Variants in USP15 observed in about 807,000 individuals in gnomAD.
USP15 encodes ubiquitin carboxyl-terminal hydrolase 15.
Under a neutral mutation model 127.1 loss-of-function variants are expected in USP15, and 18 were observed. The observed-to-expected ratio is 0.14, with a 90% CI of 0.10 to 0.21. The LOEUF (loss-of-function observed/expected upper bound fraction) is 0.21, where lower values mean the gene tolerates loss of function less well. Among genes scored for constraint, USP15 ranks in the 10% least tolerant of loss-of-function variants. The pLI is 1.00. For missense variants in USP15, 805 were observed against 1,159.9 expected, an observed-to-expected ratio of 0.69 and a Z score of 4.44; for synonymous variants, 364 against 393.7, an observed-to-expected ratio of 0.92 and a Z score of 0.89.
intron 6 of USP15, among the ~76,000 whole-genome samples, chr12:62,339,576 TGA>T (rs1184691613): frequency 2.0e-5 from 3 of 152,170 alleles, no homozygotes; most frequent in Non-Finnish European, 4.4e-5. Context: ...AATAGTTTAT[TGA>T]GAGTTTTTAA....
intron 4 of USP15, 66 bp from the exon 5 acceptor site, chr12:62,321,398 T>G (rs1380929906): frequency 1.0e-6 from 1 of 1,000,442 alleles, no homozygotes; most frequent in Non-Finnish European, 1.4e-6. Flanking sequence ...GCTGGTAACA[T>G]TTAGCTGTAT....
rs1565908378 is a variant in USP15, at chr12:62,389,714, C to CA, written c.1652+16dup. The CA allele has an allele frequency of 6.2e-7, 1 of 1,602,364 alleles. No homozygotes were observed. The highest frequency in any genetic ancestry group is 8.5e-7 in the Non-Finnish European group (1 of 1,174,336). On this transcript the variant is annotated intron_variant, in intron 13 of 21. Transcript: ENST00000280377. ...GATATTTATGTGTAAGTATAAAACT[C>CA]ATTGTGCAAAATATTACTTGAAAAA... is the stretch of plus-strand genomic sequence containing the variant.
At chr12:62,386,507 C>G (rs2067153246) in intron 11 of USP15, among the ~76,000 whole-genome samples, 1 of 151,982 alleles carries the variant, frequency 6.6e-6, no homozygotes, top group Non-Finnish European at 1.5e-5. Flanking sequence ...CCTACCCAAA[C>G]TGGTTATGAG....
chr12:62,384,312 G>T lies in USP15; in HGVS notation c.1473+10G>T. 1.3e-6 allele frequency: 2 copies of T among 1,503,424 alleles called. No homozygotes were observed. The highest frequency in any genetic ancestry group is 1.3e-5 in the South Asian group (1 of 77,744). The allele number at this position is 1,503,424 out of a possible 1,614,324, so 93.1% of individuals were successfully genotyped here. On this transcript the variant is annotated intron_variant, in intron 11 of 21. Coordinates refer to ENST00000280377, the MANE Select transcript of USP15 (RefSeq NM_001252078.2). ...TACCAAACCTATGCAGGTAAATCAT[G>T]GGTTGGTTTGTTTTGTTTTTTTTTT...
intron 1 of USP15, among the ~76,000 whole-genome samples, chr12:62,277,014 ATAT>A (rs1385282113): frequency 6.6e-6 from 1 of 152,072 alleles, no homozygotes; most frequent in Non-Finnish European, 1.5e-5. Flanking sequence ...GCTAGCCTCA[ATAT>A]TATTCTTAGT....
chr12:62,364,989 G>C (rs898123189), intron 8 of USP15, among the ~76,000 whole-genome samples: 4 of 152,086 alleles, frequency 2.6e-5, no homozygotes, highest in Non-Finnish European at 5.9e-5. Context: ...CCAAGACTTT[G>C]CTATTGTGAA....
intron 8 of USP15, among the ~76,000 whole-genome samples, chr12:62,369,541 G>T (rs2066593444): frequency 6.6e-6 from 1 of 151,510 alleles, no homozygotes; most frequent in South Asian, 2.1e-4. Context: ...ACATGTGCCA[G>T]CTCTAAAAAG....
chr12:62,278,823 C>G (rs2063566683), intron 1 of USP15: 1 of 152,062 alleles, frequency 6.6e-6, no homozygotes, highest in South Asian at 2.1e-4. Flanking sequence ...TTGGGCAAAA[C>G]CAGCTAACAG....
intron 1 of USP15, among the ~76,000 whole-genome samples, chr12:62,280,118 T>C (rs1231707385): frequency 6.6e-6 from 1 of 152,160 alleles, no homozygotes; most frequent in African/African-American, 2.4e-5. Flanking sequence ...GGCTCAAGAG[T>C]AAAACTCAAA....
Position 62,391,841 on chromosome 12 carries a change from G to C in USP15, c.2259G>C (p.Trp753Cys). 1 of 1,608,844 alleles carries C rather than the reference G, an allele frequency of 6.2e-7. No homozygotes were observed. The highest frequency in any genetic ancestry group is 8.5e-7 in the Non-Finnish European group (1 of 1,177,412). ...AAAGATCTTTTCTTGCTTTGGATTG[G>C]GATCCTGATTTGAAAAAAAGATATT... The part of the protein sequence containing the change: ...LDERSFLALD[W>C]DPDLKKRYFD... The change falls in exon 17 of 22, where the codon TGG (tryptophan) becomes TGC (cysteine). Residue 753 changes from tryptophan to cysteine, a missense_variant. Physicochemically the swap from Trp to Cys is radical, Grantham distance 215. Around this residue, in one of 11 missense-constraint regions of USP15, gnomAD observed 225 missense variants for 239.5 expected, o/e 0.94. Coordinates refer to ENST00000280377, the MANE Select transcript of USP15 (RefSeq NM_001252078.2).
Position 62,401,295 on chromosome 12 carries a change from C to G in USP15, c.2763+20C>G. The stretch of plus-strand genomic sequence containing the variant: ...ATTGTGGTAAGTTTGTCTTATATTT[C>G]CTGAGAACTATGGGATTCACTGTCT... On this transcript the variant is annotated intron_variant, in intron 21 of 21. Transcript: ENST00000280377. The G allele has an allele frequency of 6.3e-7, 1 of 1,578,694 alleles. No homozygotes were observed. The highest frequency in any genetic ancestry group is 8.7e-7 in the Non-Finnish European group (1 of 1,149,502).
At position 62,314,915 on chromosome 12, in the gene USP15, A is replaced by G; in HGVS notation, c.474A>G (p.Ile158Met). The change falls in exon 4 of 22, where the codon ATA becomes ATG. Residue 158 changes from isoleucine (I) to methionine (M), a missense_variant and splice_region_variant. By Grantham distance (10) the Ile-to-Met change is conservative. Around this residue, in one of 11 missense-constraint regions of USP15, gnomAD observed 57 missense variants for 47.3 expected, o/e 1.20. Transcript: ENST00000280377. ...VTRRFSKADT[I>M]DTIEKEIRKI... ...GAAGATTTAGCAAAGCTGACACAAT[A>G]GGTAATGCAAGATCCTGTCTTGTTT... 3 of 1,572,984 alleles carry G rather than the reference A, an allele frequency of 1.9e-6. No individual in the cohort carries two copies. Among genetic ancestry groups the G allele is most frequent in the Non-Finnish European group, 2.6e-6 (3 of 1,160,210 alleles).
chr12:62,313,362 T>G (rs1408651616), intron 3 of USP15, among the ~76,000 whole-genome samples: 1 of 151,670 alleles, frequency 6.6e-6, no homozygotes, highest in Non-Finnish European at 1.5e-5. Flanking sequence ...GGGGTTTTGT[T>G]TTTTAACCAT....
At chr12:62,277,416 G>T (rs1050467374) in intron 1 of USP15, 2 of 152,124 alleles carry the variant, frequency 1.3e-5, no homozygotes, top group African/African-American at 4.8e-5. Flanking sequence ...AATAGTGTAG[G>T]CAGTTTTAAT....
chr12:62,374,424 C>T, intron 8 of USP15: 1 of 985,702 alleles, frequency 1.0e-6, no homozygotes, highest in Non-Finnish European at 1.2e-6. Context: ...CATACATGAT[C>T]ACTTGAGAAT....
intron 6 of USP15, among the ~76,000 whole-genome samples, chr12:62,345,646 CTT>C (rs1056964733): frequency 1.3e-5 from 2 of 152,122 alleles, no homozygotes; most frequent in African/African-American, 2.4e-5. Context: ...CCAATTTACT[CTT>C]TTAGTCAGTT....
rs1162499182 is a variant in USP15, at chr12:62,391,671, G to C, written c.2234-145G>C. ...TTTAAACTCTTAAATTATTTCAATGGCTTGGAAACTGCTGTTTGCCCTAAT... is the reference window on the plus strand; with the variant it reads ...TTTAAACTCTTAAATTATTTCAATGCCTTGGAAACTGCTGTTTGCCCTAAT... On this transcript the variant is annotated intron_variant, in intron 16 of 21. Transcript: ENST00000280377. 4 of 889,710 alleles carry C rather than the reference G, an allele frequency of 4.5e-6. No homozygotes were observed. In the African/African-American group the frequency reaches 5.2e-5, roughly 12 times the overall value. The allele number at this position is 889,710 out of a possible 1,614,324, so 55.1% of individuals were successfully genotyped here.
At chr12:62,295,563 T>C (rs992117708) in intron 2 of USP15, among the ~76,000 whole-genome samples, 1 of 152,130 alleles carries the variant, frequency 6.6e-6, no homozygotes. Flanking sequence ...GCAATGTCAA[T>C]CTTAAAAACA....
chr12:62,347,728 T>C (rs1592640965), intron 6 of USP15, among the ~76,000 whole-genome samples: 1 of 152,290 alleles, frequency 6.6e-6, no homozygotes, highest in East Asian at 1.9e-4. Flanking sequence ...TGATTCTATT[T>C]TGTTTTTGAG....
Sources: gnomAD v4.1 joint callset for allele counts (sites outside exome capture counted in the v4.1 genomes callset) on GRCh38, gnomAD v4.1.1 for gene constraint, gnomAD v4.1.1 regional missense constraint, MANE v1.5 for transcripts, NCBI Gene and HGNC (gene_info 2026-07-23, HGNC 2026-07-21) for gene names.